The following LRRC75A variants were observed in gnomAD, a reference collection of about 807,000 sequenced individuals.
LRRC75A encodes leucine rich repeat containing 75A, also known as leucine-rich repeat-containing protein 75A.
LRRC75A carries 12 observed loss-of-function variants against 26.0 expected under a neutral mutation model. The observed-to-expected ratio is 0.46, with a 90% CI of 0.30 to 0.75. The LOEUF is 0.75. Among genes scored for constraint, LRRC75A ranks in the 30% least tolerant of loss-of-function variants. The pLI, the probability that LRRC75A is intolerant of heterozygous loss-of-function variation, is 0.08. For synonymous variants in LRRC75A, 223 were observed against 219.3 expected, an observed-to-expected ratio of 1.02 and a Z score of -0.15; for missense variants, 410 against 486.6, an observed-to-expected ratio of 0.84 and a Z score of 1.48.
Position 16,491,363 on chromosome 17 carries a change from C to G in LRRC75A, c.246+382G>C, listed in dbSNP as rs1019239418. Among the ~76,000 whole-genome samples, 1 of 152,198 alleles carries G rather than the reference C, an allele frequency of 6.6e-6. No individual in the cohort carries two copies. Among genetic ancestry groups the G allele is most frequent in the African/African-American group, 2.4e-5 (1 of 41,442 alleles). ...ACCGCATTCCTTGAGGACCCTCGGC[C>G]GGGAGTGACTGCCAGTGGGCAGACA... On this transcript the variant is annotated intron_variant, in intron 1 of 3. Transcript: ENST00000470794. The surrounding 1 kb of genome is among the most constrained non-coding windows in gnomAD (Gnocchi z 5.9).
chr17:16,459,795 C>G (rs977561004), intron 2 of LRRC75A, among the ~76,000 whole-genome samples: 1 of 152,176 alleles, frequency 6.6e-6, no homozygotes, highest in African/African-American at 2.4e-5. Context: ...GCTCCTACCA[C>G]CAGCCTGGGG....
At chr17:16,468,905 C>T (rs930908995) in intron 1 of LRRC75A, among the ~76,000 whole-genome samples, 7 of 152,110 alleles carry the variant, frequency 4.6e-5, no homozygotes, top group African/African-American at 1.7e-4. Flanking sequence ...ACATAGACAC[C>T]TTCTTGGGAT....
chr17:16,487,404 G>A lies in LRRC75A; in HGVS notation c.246+4341C>T, dbSNP rs1289188160. Among the ~76,000 whole-genome samples the A allele has an allele frequency of 2.6e-5, 4 of 152,178 alleles. No homozygotes were observed. In the East Asian group the frequency reaches 7.7e-4, roughly 29 times the overall value. ...ACCTGTCCAGTCTCCACATCTCCAG[G>A]GAGTCTCCAGGTGTCTGTCCATTGC... On this transcript the variant is annotated intron_variant, in intron 1 of 3. Transcript: ENST00000470794.
In LRRC75A at chr17:16,492,180, A is replaced by C. The variant is rs867622523; in HGVS notation, c.-190T>G. 417 of 289,546 alleles carry C rather than the reference A, an allele frequency of 1.4e-3. 3 individuals carry two copies. Among genetic ancestry groups the C allele is most frequent in the African/African-American group, 9.2e-3 (381 of 41,386 alleles). The allele number at this position is 289,546 out of a possible 1,614,324, so 17.9% of individuals were successfully genotyped here. On this transcript the variant is annotated 5_prime_UTR_variant, in exon 1 of 4. Transcript: ENST00000470794. ...CTCCCCGCGCTCCTCCCTCTTGGCT[A>C]CCCGGGCGCGCTCCCCGGGCGCTCG...
intron 1 of LRRC75A, among the ~76,000 whole-genome samples, chr17:16,466,422 C>T (rs1454987067): frequency 6.6e-6 from 1 of 152,236 alleles, no homozygotes; most frequent in African/African-American, 2.4e-5. Context: ...GGTGTGGTCC[C>T]TGCAGCCCCT....
intron 1 of LRRC75A, among the ~76,000 whole-genome samples, chr17:16,468,637 A>G (rs566639988): frequency 6.6e-6 from 1 of 152,378 alleles, no homozygotes; most frequent in East Asian, 1.9e-4. Flanking sequence ...GATCAGCTGC[A>G]CAGTAAACAG....
At position 16,443,912 on chromosome 17, in the gene LRRC75A, G is replaced by T; in HGVS notation, c.711C>A (p.Leu237=). The T allele has an allele frequency of 6.2e-7, 1 of 1,613,330 alleles. No individual in the cohort carries two copies. Among genetic ancestry groups the T allele is most frequent in the South Asian group, 1.1e-5 (1 of 91,070 alleles). ...CGGCCCGGGTCAACCGGTTGCCATT[G>T]AGTGCCAGTGTGGTGAGGCGGGGCA... The part of the protein sequence containing the change: ...STLPRLTTLA[L]NGNRLTRAVL... Residue 237 remains leucine (L), a synonymous_variant, in exon 4 of 4, where the codon CTC becomes CTA. Transcript: ENST00000470794.
chr17:16,480,655 AC>A (rs1272788383), intron 1 of LRRC75A, among the ~76,000 whole-genome samples: 1 of 151,184 alleles, frequency 6.6e-6, no homozygotes, highest in Admixed American at 6.6e-5. Context: ...AAAAAAAAAA[AC>A]TGGAGACCAC....
intron 1 of LRRC75A, among the ~76,000 whole-genome samples, chr17:16,488,888 A>G (rs1270203583): frequency 6.6e-6 from 1 of 152,082 alleles, no homozygotes; most frequent in Admixed American, 6.5e-5. Flanking sequence ...CAGCAGCCAC[A>G]ATCCTTCAGC....
Position 16,447,925 on chromosome 17 carries a change from G to A in LRRC75A, c.411C>T (p.Cys137=), listed in dbSNP as rs2093600041. ...GDALGAMEKL[C]RQLTYHLSPH... ...GGCTGAGGTGGTATGTCAGCTGCCG[G>A]CACAGCTTCTCCATGGCGCCCAGTG... Residue 137 remains cysteine (C), a synonymous_variant, in exon 3 of 4, where the codon TGC becomes TGT. Transcript: ENST00000470794. 6.4e-7 allele frequency: 1 copy of A among 1,550,848 alleles called. No homozygotes were observed. The highest frequency in any genetic ancestry group is 2.0e-5 in the Admixed American group (1 of 50,976).
intron 1 of LRRC75A, among the ~76,000 whole-genome samples, chr17:16,490,162 C>T (rs1021874286): frequency 2.6e-5 from 4 of 152,200 alleles, no homozygotes; most frequent in African/African-American, 7.2e-5. Flanking sequence ...TGGTCTTGCA[C>T]CCTCCAAGAA....
intron 1 of LRRC75A, among the ~76,000 whole-genome samples, chr17:16,483,811 G>A (rs1477496809): frequency 6.6e-6 from 1 of 152,200 alleles, no homozygotes; most frequent in Admixed American, 6.5e-5. Context: ...CGGAGGAAGG[G>A]AAACAGCTGC....
chr17:16,484,403 A>G (rs1384787265), intron 1 of LRRC75A, among the ~76,000 whole-genome samples: 1 of 152,174 alleles, frequency 6.6e-6, no homozygotes, highest in Non-Finnish European at 1.5e-5. Flanking sequence ...CAAAATAAAC[A>G]TGAGAAAAGG....
intron 1 of LRRC75A, among the ~76,000 whole-genome samples, chr17:16,486,533 A>G (rs1055238288): frequency 1.1e-4 from 16 of 152,216 alleles, no homozygotes; most frequent in Admixed American, 6.5e-5. Flanking sequence ...GCGGATTTTA[A>G]AAAGGAAGGT....
At position 16,491,701 on chromosome 17, in the gene LRRC75A, C is replaced by T. The variant is rs1028424023; in HGVS notation, c.246+44G>A. On this transcript the variant is annotated intron_variant, in intron 1 of 3. Transcript: ENST00000470794. The surrounding 1 kb of genome is among the most constrained non-coding windows in gnomAD (Gnocchi z 5.9). ...GGGGCGCCCCCCCCGGCCCAGCACG[C>T]CCCCTGGCCCGGCGCGCCCCCCGCG... 19 of 1,274,536 alleles carry T rather than the reference C, an allele frequency of 1.5e-5. No individual in the cohort carries two copies. The highest frequency in any genetic ancestry group is 6.0e-6 in the Non-Finnish European group (6 of 1,007,498). 79.0% of individuals were successfully genotyped at this position (1,274,536 alleles called of 1,614,324 possible).
intron 2 of LRRC75A, among the ~76,000 whole-genome samples, chr17:16,453,811 T>C (rs1239332581): frequency 6.6e-6 from 1 of 151,796 alleles, no homozygotes; most frequent in Non-Finnish European, 1.5e-5. Flanking sequence ...GCCCTTCTTC[T>C]CCCCCAGAGT....
chr17:16,473,944 T>C (rs1205618337), intron 1 of LRRC75A, among the ~76,000 whole-genome samples: 1 of 152,192 alleles, frequency 6.6e-6, no homozygotes, highest in East Asian at 1.9e-4. Flanking sequence ...CTTTGAAGTC[T>C]TAAAAAATGA....
chr17:16,448,061 G>A (rs755533397), intron 2 of LRRC75A, 101 bp from the exon 3 acceptor site: 1 of 1,076,874 alleles, frequency 9.3e-7, no homozygotes, highest in Admixed American at 2.0e-5. Flanking sequence ...GCTCCCCCAG[G>A]CTGAGCTGGG....
intron 1 of LRRC75A, among the ~76,000 whole-genome samples, chr17:16,473,349 C>A (rs1437758438): frequency 6.6e-6 from 1 of 152,152 alleles, no homozygotes; most frequent in East Asian, 1.9e-4. Context: ...TACATCCCCT[C>A]CCCCTAACAA....
Sources: gnomAD v4.1 joint callset for allele counts (sites outside exome capture counted in the v4.1 genomes callset) on GRCh38, gnomAD v4.1.1 for gene constraint, Gnocchi (gnomAD v3.1) non-coding constraint, MANE v1.5 for transcripts, NCBI Gene and HGNC (gene_info 2026-07-23, HGNC 2026-07-21) for gene names.